The following PTPN2 variants were observed in gnomAD, a reference collection of about 807,000 sequenced individuals.
The protein encoded by PTPN2 is protein tyrosine phosphatase non-receptor type 2, also known as tyrosine-protein phosphatase non-receptor type 2.
In PTPN2, 19 loss-of-function variants were observed where a neutral mutation model predicts 57.3. The ratio of observed to expected loss-of-function variants is 0.33; its 90% CI spans 0.23 to 0.49. PTPN2 has a LOEUF of 0.49. Among genes scored for constraint, PTPN2 ranks in the 20% least tolerant of loss-of-function variants. The probability of loss-of-function intolerance (pLI) is 0.99; values close to 1 mark genes in which losing one functional copy is unlikely to be tolerated. For synonymous variants in PTPN2, 153 were observed against 164.9 expected (o/e 0.93, Z 0.55); for missense variants, 358 against 501.1 (o/e 0.71, Z 2.73).
chr18:12,840,902 C>T, intron 2 of PTPN2: 1 of 1,544,704 alleles, frequency 6.5e-7, no homozygotes, highest in South Asian at 1.2e-5. Context: ...CATATCTTCT[C>T]TAACTAGACG....
intron 1 of PTPN2, among the ~76,000 whole-genome samples, chr18:12,882,061 G>A (rs4797708): frequency 0.13 from 20,437 of 152,150 alleles, 2,753 homozygotes; most frequent in African/African-American, 0.35. Context: ...CCAAGGCCAG[G>A]AGCAAAAGCT....
chr18:12,879,569 A>G (rs2044601967), intron 1 of PTPN2, among the ~76,000 whole-genome samples: 1 of 152,224 alleles, frequency 6.6e-6, no homozygotes, highest in African/African-American at 2.4e-5. Context: ...AGAAGTAATA[A>G]AAAATATAAA....
At chr18:12,833,116 GATTCAC>G (rs1255137244) in intron 3 of PTPN2, among the ~76,000 whole-genome samples, 1 of 152,134 alleles carries the variant, frequency 6.6e-6, no homozygotes, top group Non-Finnish European at 1.5e-5. Flanking sequence ...GAGGAACAGA[GATTCAC>G]ATCTCAGCTC....
chr18:12,883,635 G>A (rs1311510232), intron 1 of PTPN2: 2 of 153,708 alleles, frequency 1.3e-5, no homozygotes, highest in Non-Finnish European at 2.9e-5. Context: ...CAAAACACCC[G>A]GCCAGAGAAA....
At chr18:12,814,971 C>A (rs959974057) in intron 6 of PTPN2, among the ~76,000 whole-genome samples, 13 of 151,996 alleles carry the variant, frequency 8.6e-5, no homozygotes. Flanking sequence ...GTAATCCCAG[C>A]TACATTGGAG....
intron 1 of PTPN2, among the ~76,000 whole-genome samples, chr18:12,877,499 TAAA>T (rs1353823509): frequency 1.3e-5 from 2 of 152,200 alleles, no homozygotes; most frequent in Non-Finnish European, 2.9e-5. Flanking sequence ...TGCAACCATG[TAAA>T]AGCACTGAGA....
chr18:12,808,507 G>A (rs2041773132), intron 7 of PTPN2, among the ~76,000 whole-genome samples: 1 of 152,216 alleles, frequency 6.6e-6, no homozygotes, highest in African/African-American at 2.4e-5. Context: ...GCCGGGGCAT[G>A]CGGTGGCTCA....
intron 1 of PTPN2, among the ~76,000 whole-genome samples, chr18:12,875,916 A>C (rs1001902620): frequency 6.6e-6 from 1 of 152,188 alleles, no homozygotes; most frequent in Non-Finnish European, 1.5e-5. Context: ...AAAAGTAAAA[A>C]GGGCTTTTAA....
At chr18:12,865,057 A>G (rs1403820157) in intron 1 of PTPN2, among the ~76,000 whole-genome samples, 1 of 152,204 alleles carries the variant, frequency 6.6e-6, no homozygotes, top group Non-Finnish European at 1.5e-5. Context: ...TTTTCATTGC[A>G]ACAAGCCTTT....
rs1299671748 is a variant in PTPN2, at chr18:12,870,374, CAT to C, written c.70-11122_70-11121del. On this transcript the variant is annotated intron_variant, in intron 1 of 8. Coordinates refer to ENST00000309660, the MANE Select transcript of PTPN2 (RefSeq NM_002828.4). ...ATGTGTATATATATGTGTATATATA[CAT>C]ATATATACGTATATATGTATATATA... is the stretch of plus-strand genomic sequence containing the variant. Among the ~76,000 whole-genome samples, 139 of 39,510 alleles carry C rather than the reference CAT, an allele frequency of 3.5e-3. 21 individuals are homozygous for C. The highest frequency in any genetic ancestry group is 0.015 in the African/African-American group (58 of 3,846). 25.9% of individuals were successfully genotyped at this position (39,510 alleles called of 152,430 possible).
intron 7 of PTPN2, among the ~76,000 whole-genome samples, chr18:12,807,814 T>C (rs947802594): frequency 6.6e-6 from 1 of 151,580 alleles, no homozygotes; most frequent in African/African-American, 2.4e-5. Flanking sequence ...GGGGGCATAG[T>C]GAGAAACTGA....
At chr18:12,839,749 C>T (rs1371795397) in intron 2 of PTPN2, among the ~76,000 whole-genome samples, 1 of 151,982 alleles carries the variant, frequency 6.6e-6, no homozygotes, top group East Asian at 1.9e-4. Flanking sequence ...AAATGCAATA[C>T]CCAAACAGAA....
At chr18:12,800,077 C>T (rs939503195) in intron 8 of PTPN2, among the ~76,000 whole-genome samples, 3 of 152,060 alleles carry the variant, frequency 2.0e-5, no homozygotes, top group African/African-American at 4.8e-5. Context: ...AAGAAAACAC[C>T]GCCACCACAT....
chr18:12,870,760 C>G (rs182954038), intron 1 of PTPN2, among the ~76,000 whole-genome samples: 1 of 151,642 alleles, frequency 6.6e-6, no homozygotes, highest in Non-Finnish European at 1.5e-5. Flanking sequence ...CCGCCCACCT[C>G]GGCCTCCCAA....
At chr18:12,868,165 C>A (rs2044056562) in intron 1 of PTPN2, among the ~76,000 whole-genome samples, 1 of 152,210 alleles carries the variant, frequency 6.6e-6, no homozygotes, top group Non-Finnish European at 1.5e-5. Context: ...AAAACAACAA[C>A]AAAAGCTTCC....
chr18:12,840,940 T>A lies in PTPN2; in HGVS notation c.161-4049A>T, dbSNP rs938131477. On this transcript the variant is annotated intron_variant, in intron 2 of 8. Coordinates refer to ENST00000309660, the MANE Select transcript of PTPN2 (RefSeq NM_002828.4). ...CTGATGGAATGCCTCCATGATGAAC[T>A]GGTCTGTTCCCTGCATTGAATACTT... 4.0e-6 allele frequency: 6 copies of A among 1,501,162 alleles called. No homozygotes were observed. In the Admixed American group the frequency reaches 8.4e-5, roughly 21 times the overall value. 93.0% of individuals were successfully genotyped at this position (1,501,162 alleles called of 1,614,324 possible). A position where few individuals can be genotyped will look rare whatever the true frequency, so the allele number is the denominator to read the frequency against.
At chr18:12,841,147 T>C (rs982876576) in intron 2 of PTPN2, among the ~76,000 whole-genome samples, 2 of 152,196 alleles carry the variant, frequency 1.3e-5, no homozygotes, top group African/African-American at 4.8e-5. Flanking sequence ...AGTTGCTACC[T>C]GAATAGGCCT....
intron 4 of PTPN2, among the ~76,000 whole-genome samples, chr18:12,829,678 C>T (rs866542924): frequency 1.3e-5 from 2 of 152,180 alleles, no homozygotes; most frequent in Middle Eastern, 6.8e-3. Context: ...ACCAGAAAAA[C>T]TCCTAATTGG....
intron 1 of PTPN2, among the ~76,000 whole-genome samples, chr18:12,879,314 C>A (rs562940595): frequency 6.6e-6 from 1 of 152,242 alleles, no homozygotes; most frequent in East Asian, 1.9e-4. Flanking sequence ...CACTCTTTCA[C>A]GATCAATTCT....
Sources: gnomAD v4.1 joint callset for allele counts (sites outside exome capture counted in the v4.1 genomes callset) on GRCh38, gnomAD v4.1.1 for gene constraint, MANE v1.5 for transcripts, NCBI Gene and HGNC (gene_info 2026-07-23, HGNC 2026-07-21) for gene names.